The following SLC24A2 variants were observed in gnomAD, a reference collection of about 807,000 sequenced individuals.
The protein encoded by SLC24A2 is sodium/potassium/calcium exchanger 2.
In SLC24A2, 36 loss-of-function variants were observed where a neutral mutation model predicts 62.0. The ratio of observed to expected loss-of-function variants is 0.58; its 90% CI spans 0.44 to 0.77. The LOEUF is 0.77. SLC24A2 is among the 30% of genes least tolerant of loss of function. The probability of loss-of-function intolerance (pLI) is 0.00; values close to 1 mark genes in which losing one functional copy is unlikely to be tolerated. For synonymous variants in SLC24A2, 358 were observed against 294.0 expected (o/e 1.22, Z -2.23); for missense variants, 846 against 817.9 (o/e 1.03, Z -0.42).
the SLC24A2 span, among the ~76,000 whole-genome samples, chr9:20,071,585 A>T: frequency 1.3e-5 from 2 of 152,184 alleles, no homozygotes; most frequent in African/African-American, 4.8e-5. Flanking sequence ...ATGTTACATT[A>T]TATGGTGTTT....
At chr9:20,252,741 T>TC in the SLC24A2 span, among the ~76,000 whole-genome samples, 1 of 152,202 alleles carries the variant, frequency 6.6e-6, no homozygotes, top group East Asian at 1.9e-4. Context: ...TGTTGTCTTT[T>TC]CCCCTTGCTC....
At chr9:20,238,235 C>A in the SLC24A2 span, among the ~76,000 whole-genome samples, 115 of 152,296 alleles carry the variant, frequency 7.6e-4, no homozygotes, top group African/African-American at 2.7e-3. Context: ...CTCTAAGAGG[C>A]TGAAGTATTT....
chr9:20,092,117 A>C, the SLC24A2 span, among the ~76,000 whole-genome samples: 2 of 152,206 alleles, frequency 1.3e-5, no homozygotes, highest in Non-Finnish European at 2.9e-5. Flanking sequence ...AGGAGGGAGA[A>C]GATCAGAAAA....
chr9:19,786,096 C>T lies in SLC24A2; in HGVS notation c.771G>A (p.Leu257=). 1 of 1,614,128 alleles carries T rather than the reference C, an allele frequency of 6.2e-7. No individual in the cohort carries two copies. The highest frequency in any genetic ancestry group is 8.5e-7 in the Non-Finnish European group (1 of 1,180,020). The change falls in exon 2 of 11, where the codon CTG becomes CTA. Residue 257 remains leucine, a synonymous_variant. Transcript: ENST00000341998. The surrounding 1 kb of genome is among the most constrained non-coding windows in gnomAD (Gnocchi z 5.0). ...TTTCCCACCACATGATGACATTATC[C>T]AGGAAAAATATGATCAGCATGATCA... ...VDLIMLIIFF[L]DNVIMWWESL...
chr9:19,792,262 A>C (rs1314663277), upstream of SLC24A2, among the ~76,000 whole-genome samples: 6 of 152,158 alleles, frequency 3.9e-5, no homozygotes, highest in African/African-American at 1.4e-4. Context: ...ATATTTTATA[A>C]TTTCAGGAAT....
At chr9:20,075,584 T>C in the SLC24A2 span, among the ~76,000 whole-genome samples, 1 of 152,160 alleles carries the variant, frequency 6.6e-6, no homozygotes, top group Non-Finnish European at 1.5e-5. Context: ...TTATAGGCTA[T>C]GAGTAGGAGA....
At chr9:20,105,767 C>A in the SLC24A2 span, among the ~76,000 whole-genome samples, 1 of 151,724 alleles carries the variant, frequency 6.6e-6, no homozygotes, top group Non-Finnish European at 1.5e-5. Context: ...AAATTGACAC[C>A]CTAACATCAC....
chr9:19,718,458 A>ATTTTTTTTTTTTT (rs58736549), intron 2 of SLC24A2, among the ~76,000 whole-genome samples: 1 of 99,798 alleles, frequency 1.0e-5, no homozygotes, highest in Non-Finnish European at 1.9e-5. Context: ...ATGCCTGGCT[A>ATTTTTTTTTTTTT]TTTTTTTTTT....
intron 5 of SLC24A2, among the ~76,000 whole-genome samples, chr9:19,593,882 C>T (rs1464920032): frequency 1.3e-5 from 2 of 152,084 alleles, no homozygotes; most frequent in African/African-American, 4.8e-5. Flanking sequence ...CTCTTTGAGC[C>T]TTGGTTTTCT....
At chr9:20,143,410 C>T in the SLC24A2 span, among the ~76,000 whole-genome samples, 1 of 152,116 alleles carries the variant, frequency 6.6e-6, no homozygotes, top group Non-Finnish European at 1.5e-5. Context: ...GCTATTTGCC[C>T]TAGGGAAAAA....
the SLC24A2 span, among the ~76,000 whole-genome samples, chr9:20,065,219 G>A: frequency 1.3e-5 from 2 of 152,294 alleles, no homozygotes; most frequent in East Asian, 1.9e-4. Context: ...AAACCGAGTG[G>A]CCCCACTTCC....
chr9:19,786,780 ACTATAATGTCTT>A lies in SLC24A2; in HGVS notation c.75_86del (p.Arg25_Tyr28del). ...GAATTAACTTCAGTTTTTTCTTGACACTATAATGTCTTCTGCAGCCAGACAGTGACTCATCCA... is the reference window on the plus strand; with the variant it reads ...GAATTAACTTCAGTTTTTTCTTGACACTGCAGCCAGACAGTGACTCATCCA... On this transcript the variant is annotated inframe_deletion, in exon 2 of 11. Coordinates refer to ENST00000341998, the MANE Select transcript of SLC24A2 (RefSeq NM_020344.4). This position sits in a 1 kb window ranked among gnomAD's most constrained non-coding sequence, Gnocchi z 5.0. The A allele has an allele frequency of 6.2e-7, 1 of 1,604,888 alleles. No individual in the cohort carries two copies. Among genetic ancestry groups the A allele is most frequent in the Non-Finnish European group, 8.5e-7 (1 of 1,175,684 alleles).
chr9:20,271,655 G>A, the SLC24A2 span, among the ~76,000 whole-genome samples: 1 of 152,146 alleles, frequency 6.6e-6, no homozygotes, highest in Admixed American at 6.5e-5. Flanking sequence ...GCTCAAGCAA[G>A]AGACTGACAC....
intron 2 of SLC24A2, among the ~76,000 whole-genome samples, chr9:19,775,727 G>A (rs919370765): frequency 6.6e-6 from 1 of 152,112 alleles, no homozygotes; most frequent in African/African-American, 2.4e-5. Context: ...ACACCTTTGC[G>A]GAATTAAGAA....
intron 2 of SLC24A2, among the ~76,000 whole-genome samples, chr9:19,761,478 T>C (rs1822327530): frequency 6.6e-6 from 1 of 151,544 alleles, no homozygotes; most frequent in Non-Finnish European, 1.5e-5. Context: ...TTTTATTTTA[T>C]TTTATTTTAT....
At chr9:19,735,216 C>T (rs1429126240) in intron 2 of SLC24A2, among the ~76,000 whole-genome samples, 1 of 152,008 alleles carries the variant, frequency 6.6e-6, no homozygotes, top group Non-Finnish European at 1.5e-5. Context: ...AGACACTTCT[C>T]AAAAGAAGAC....
At chr9:20,053,150 C>G in the SLC24A2 span, among the ~76,000 whole-genome samples, 1 of 152,142 alleles carries the variant, frequency 6.6e-6, no homozygotes, top group Non-Finnish European at 1.5e-5. Context: ...TTGTTGATTT[C>G]TCGTCAACTT....
the SLC24A2 span, among the ~76,000 whole-genome samples, chr9:20,230,292 C>A: frequency 1.3e-5 from 2 of 152,102 alleles, no homozygotes; most frequent in Non-Finnish European, 2.9e-5. Context: ...AGTTCTAGAT[C>A]CCTGAGGAAT....
In SLC24A2 at chr9:19,515,866, C is replaced by G; in HGVS notation, c.*287G>C. ...TAGCCTGTGTCCTTGTTTGCATCGACTGTACCTCCGACCAGCGAGGTGTAC... is the reference window on the plus strand; with the variant it reads ...TAGCCTGTGTCCTTGTTTGCATCGAGTGTACCTCCGACCAGCGAGGTGTAC... On this transcript the variant is annotated 3_prime_UTR_variant, in exon 11 of 11. Transcript: ENST00000341998. 1 of 435,994 alleles carries G rather than the reference C, an allele frequency of 2.3e-6. No individual in the cohort carries two copies. The highest frequency in any genetic ancestry group is 4.3e-6 in the Non-Finnish European group (1 of 233,758). The allele number at this position is 435,994 out of a possible 1,614,324, so 27.0% of individuals were successfully genotyped here.
Sources: gnomAD v4.1 joint callset for allele counts (sites outside exome capture counted in the v4.1 genomes callset) on GRCh38, gnomAD v4.1.1 for gene constraint, Gnocchi (gnomAD v3.1) non-coding constraint, MANE v1.5 for transcripts, NCBI Gene and HGNC (gene_info 2026-07-23, HGNC 2026-07-21) for gene names.